Variants in LCOR observed in about 807,000 individuals in gnomAD.
LCOR encodes the protein ligand dependent nuclear receptor corepressor.
A neutral mutation model predicts 64.4 loss-of-function variants in LCOR; 14 were observed. The observed-to-expected ratio is 0.22, with a 90% CI of 0.14 to 0.34. LCOR has a LOEUF of 0.34. Among genes scored for constraint, LCOR ranks in the 10% least tolerant of loss-of-function variants. LCOR has a pLI of 1.00. For synonymous variants in LCOR, 643 were observed against 642.5 expected (o/e 1.00, Z -0.01); for missense variants, 1,686 against 1,765.3 (o/e 0.96, Z 0.80).
At position 96,992,857 on chromosome 10, in the gene LCOR, A is replaced by G. The variant is rs1363492602; in HGVS notation, c.*7723A>G. The G allele has an allele frequency of 6.6e-6, 1 of 152,216 alleles. No homozygotes were observed. The highest frequency in any genetic ancestry group is 1.5e-5 in the Non-Finnish European group (1 of 68,040). The allele number at this position is 152,216 out of a possible 1,614,324, so 9.4% of individuals were successfully genotyped here. A position where few individuals can be genotyped will look rare whatever the true frequency, so the allele number is the denominator to read the frequency against. ...AAGACACCTATTCACACTCTAATTAATCATGGGAGATAAGCATGTTACCTT... is the reference window on the plus strand; with the variant it reads ...AAGACACCTATTCACACTCTAATTAGTCATGGGAGATAAGCATGTTACCTT... On this transcript the variant is annotated 3_prime_UTR_variant, in exon 8 of 8. Transcript: ENST00000421806.
intron 7 of LCOR, among the ~76,000 whole-genome samples, chr10:96,975,188 T>A (rs995648325): frequency 3.3e-5 from 5 of 151,916 alleles, no homozygotes; most frequent in African/African-American, 1.2e-4. Flanking sequence ...AATAATAAAA[T>A]AAATACTTAT....
intron 7 of LCOR, among the ~76,000 whole-genome samples, chr10:96,975,527 C>T (rs1010892035): frequency 1.4e-4 from 21 of 151,740 alleles, no homozygotes; most frequent in Non-Finnish European, 2.4e-4. Flanking sequence ...TTATTCCTAT[C>T]TCAGTAAATG....
chr10:96,980,162 CAA>C (rs5787211), intron 7 of LCOR, among the ~76,000 whole-genome samples: 38 of 145,806 alleles, frequency 2.6e-4, no homozygotes, highest in Admixed American at 5.5e-4. Flanking sequence ...CAAAACAAAA[CAA>C]AAAAAAAAAA....
chr10:96,984,653 A>G lies in LCOR; in HGVS notation c.4193A>G (p.Lys1398Arg). The G allele has an allele frequency of 1.2e-6, 2 of 1,614,186 alleles. No homozygotes were observed. The highest frequency in any genetic ancestry group is 1.7e-6 in the Non-Finnish European group (2 of 1,180,052). ...TTGCCTAAAGCAGAAGTTCAGAGTA[A>G]ACGCAAGAGAACAGAAGGCAGCAGC... is the stretch of plus-strand genomic sequence containing the variant. Reference protein sequence around the residue: ...EILPKAEVQSKRKRTEGSSPP... With the variant: ...EILPKAEVQSRRKRTEGSSPP... The change falls in exon 8 of 8, where the codon AAA (lysine) becomes AGA (arginine). Residue 1398 changes from lysine (K) to arginine (R), a missense_variant. Coordinates refer to ENST00000421806, the MANE Select transcript of LCOR (RefSeq NM_001346516.2).
At chr10:96,920,704 A>G (rs1456550158) in intron 4 of LCOR, among the ~76,000 whole-genome samples, 1 of 134,012 alleles carries the variant, frequency 7.5e-6, no homozygotes, top group African/African-American at 3.5e-5. Flanking sequence ...ATGTTCATAT[A>G]TGTGTGTATA....
intron 2 of LCOR, among the ~76,000 whole-genome samples, chr10:96,885,413 A>G (rs1846325749): frequency 6.6e-6 from 1 of 151,396 alleles, no homozygotes; most frequent in Admixed American, 6.6e-5. Context: ...ACAGGCTTTC[A>G]CTCTGTTTCC....
intron 7 of LCOR, chr10:96,956,628 AAT>A: frequency 1.0e-6 from 1 of 985,880 alleles, no homozygotes; most frequent in Non-Finnish European, 1.2e-6. Flanking sequence ...TGCTTCAGTT[AAT>A]TACTTTGAAC....
Position 96,981,031 on chromosome 10 carries a change from G to C in LCOR, c.571G>C (p.Asp191His). The change falls in exon 8 of 8, where the codon GAT (aspartate) becomes CAT (histidine). Residue 191 changes from aspartate (D) to histidine (H), a missense_variant. Transcript: ENST00000421806. Reference protein sequence around the residue: ...AQLSTKHKEKDALCLDMKSSA... With the variant: ...AQLSTKHKEKHALCLDMKSSA... ...GCTCAGCACCAAACATAAGGAAAAA[G>C]ATGCTCTGTGTCTCGATATGAAGTC... 1 of 703,024 alleles carries C rather than the reference G, an allele frequency of 1.4e-6. No individual in the cohort carries two copies. The highest frequency in any genetic ancestry group is 2.6e-6 in the Non-Finnish European group (1 of 385,020). 43.5% of individuals were successfully genotyped at this position (703,024 alleles called of 1,614,324 possible).
At chr10:96,976,252 ATTTTC>A (rs1467440349) in intron 7 of LCOR, among the ~76,000 whole-genome samples, 5 of 151,828 alleles carry the variant, frequency 3.3e-5, no homozygotes, top group African/African-American at 1.2e-4. Flanking sequence ...AGAAACGTTT[ATTTTC>A]TTTTCATTCT....
At position 96,983,057 on chromosome 10, in the gene LCOR, C is replaced by T; in HGVS notation, c.2597C>T (p.Thr866Ile). The part of the protein sequence containing the change: ...SKKEGHPGGT[T>I]PKGLLPDSFH... ...AAAGAAGGGCACCCTGGTGGGACAA[C>T]ACCTAAGGGCCTTCTACCTGACAGT... The change falls in exon 8 of 8, where the codon ACA becomes ATA. Residue 866 changes from threonine (T) to isoleucine (I), a missense_variant. Physicochemically the swap from Thr to Ile is moderately conservative, Grantham distance 89. Coordinates refer to ENST00000421806, the MANE Select transcript of LCOR (RefSeq NM_001346516.2). The surrounding 1 kb of genome is among the most constrained non-coding windows in gnomAD (Gnocchi z 4.5). 1 of 1,613,892 alleles carries T rather than the reference C, an allele frequency of 6.2e-7. No homozygotes were observed. The highest frequency in any genetic ancestry group is 8.5e-7 in the Non-Finnish European group (1 of 1,179,844).
At chr10:96,891,984 T>C (rs576913426) in intron 2 of LCOR, among the ~76,000 whole-genome samples, 1 of 152,358 alleles carries the variant, frequency 6.6e-6, no homozygotes, top group East Asian at 1.9e-4. Context: ...TTCAGTCTTT[T>C]GAAATTTACG....
chr10:96,954,411 A>G (rs919796729), intron 7 of LCOR, among the ~76,000 whole-genome samples: 2 of 144,008 alleles, frequency 1.4e-5, no homozygotes, highest in Non-Finnish European at 3.0e-5. Flanking sequence ...TTGATGATGA[A>G]TATCAACTTG....
chr10:96,939,448 T>A (rs1348477247), intron 4 of LCOR, among the ~76,000 whole-genome samples: 2 of 152,184 alleles, frequency 1.3e-5, no homozygotes, highest in African/African-American at 4.8e-5. Flanking sequence ...TTTTTAGGTA[T>A]AACATCAAAA....
chr10:96,902,232 T>G (rs1485116875), intron 2 of LCOR, among the ~76,000 whole-genome samples: 1 of 152,234 alleles, frequency 6.6e-6, no homozygotes, highest in Non-Finnish European at 1.5e-5. Flanking sequence ...TGTTTCATTT[T>G]GGGCCATTAG....
chr10:96,985,967 A>G lies in LCOR; in HGVS notation c.*833A>G, dbSNP rs1848146249. 6.0e-6 allele frequency: 1 copy of G among 167,086 alleles called. No homozygotes were observed. The highest frequency in any genetic ancestry group is 1.5e-5 in the Non-Finnish European group (1 of 68,126). The allele number at this position is 167,086 out of a possible 1,614,324, so 10.4% of individuals were successfully genotyped here. On this transcript the variant is annotated 3_prime_UTR_variant, in exon 8 of 8. Transcript: ENST00000421806. ...GGCTTCCATCCTACTTCGGGAGGAA[A>G]AAGCCTAGGATTTTTTTTTTCCATC...
At chr10:96,927,525 C>CA (rs1426096719) in intron 4 of LCOR, among the ~76,000 whole-genome samples, 1 of 151,350 alleles carries the variant, frequency 6.6e-6, no homozygotes, top group Non-Finnish European at 1.5e-5. Context: ...ATGTCCTGTT[C>CA]AAAAAAATCT....
intron 2 of LCOR, among the ~76,000 whole-genome samples, chr10:96,897,653 C>T (rs1345065683): frequency 6.6e-6 from 1 of 152,008 alleles, no homozygotes; most frequent in African/African-American, 2.4e-5. Flanking sequence ...TTTCTTTTCC[C>T]TCCTTAATGT....
At position 96,982,014 on chromosome 10, in the gene LCOR, A is replaced by G. The variant is rs369270441; in HGVS notation, c.1554A>G (p.Thr518=). Residue 518 remains threonine, a synonymous_variant, in exon 8 of 8, where the codon ACA becomes ACG. Coordinates refer to ENST00000421806, the MANE Select transcript of LCOR (RefSeq NM_001346516.2). ...GTTGTGAGCTGCCAACTGTTCGTAC[A>G]CTGGCCAGAAATTTACACTCCCAGG... The part of the protein sequence containing the change: ...GDCCELPTVR[T]LARNLHSQEK... 3 of 1,613,948 alleles carry G rather than the reference A, an allele frequency of 1.9e-6. No individual in the cohort carries two copies. The highest frequency in any genetic ancestry group is 3.3e-5 in the Admixed American group (2 of 60,006).
At chr10:96,887,350 G>A (rs770882951) in intron 2 of LCOR, among the ~76,000 whole-genome samples, 3 of 152,004 alleles carry the variant, frequency 2.0e-5, no homozygotes, top group Admixed American at 6.6e-5. Flanking sequence ...GGTGGATCAC[G>A]AGGTCAGGAG....
Sources: allele counts gnomAD v4.1 joint callset (sites outside exome capture counted in the v4.1 genomes callset), GRCh38; gene constraint gnomAD v4.1.1; non-coding constraint Gnocchi (gnomAD v3.1); transcripts MANE v1.5; gene names NCBI Gene and HGNC (gene_info 2026-07-23, HGNC 2026-07-21).